Variants in GNAS observed in about 807,000 individuals in gnomAD.
GNAS encodes GNAS complex locus.
A neutral mutation model predicts 54.5 loss-of-function variants in GNAS; 8 were observed. The observed-to-expected ratio is 0.15, with a 90% CI of 0.09 to 0.26. The LOEUF (loss-of-function observed/expected upper bound fraction) is 0.26, where lower values mean the gene tolerates loss of function less well. Among genes scored for constraint, GNAS ranks in the 10% least tolerant of loss-of-function variants. The pLI, the probability that GNAS is intolerant of heterozygous loss-of-function variation, is 1.00. For synonymous variants in GNAS, 204 were observed against 191.4 expected, an observed-to-expected ratio of 1.07 and a Z score of -0.54; for missense variants, 170 against 529.8, an observed-to-expected ratio of 0.32 and a Z score of 6.67.
chr20:58,874,616 CATCTTAGCTTCTGGCCTGCCTTCT>C (rs796731679), intron 1 of GNAS, among the ~76,000 whole-genome samples: 45 of 149,828 alleles, frequency 3.0e-4, no homozygotes, highest in African/African-American at 9.5e-4. Context: ...GCCTGCCCTC[CATCTTAGCTTCTGGCCTGCCTTCT>C]ATCTTAGCTC....
At position 58,856,870 on chromosome 20, in the gene GNAS, C is replaced by T. The variant is rs1326361310; in HGVS notation, c.43+15984C>T. On this transcript the variant is annotated intron_variant, in intron 1 of 12. Coordinates refer to the GNAS transcript ENST00000306090. The surrounding 1 kb of genome is among the most constrained non-coding windows in gnomAD (Gnocchi z 4.2). Reference sequence around the variant, plus strand: ...CAGGATCCCCCTCCTCACCCCACAGCAAGACCCTCTCCTGTATCTCCCAGT... The same window carrying T: ...CAGGATCCCCCTCCTCACCCCACAGTAAGACCCTCTCCTGTATCTCCCAGT... 2 of 151,848 alleles carry T rather than the reference C, an allele frequency of 1.3e-5. No individual in the cohort carries two copies. The highest frequency in any genetic ancestry group is 2.9e-5 in the Non-Finnish European group (2 of 67,994). 9.4% of individuals were successfully genotyped at this position (151,848 alleles called of 1,614,324 possible). A position where few individuals can be genotyped will look rare whatever the true frequency, so the allele number is the denominator to read the frequency against.
chr20:58,902,056 A>G (rs2090659645), intron 3 of GNAS, among the ~76,000 whole-genome samples: 1 of 152,010 alleles, frequency 6.6e-6, no homozygotes, highest in Non-Finnish European at 1.5e-5. Context: ...AAAAATATAT[A>G]TATACAAACC....
chr20:58,897,961 C>A (rs964708975), intron 2 of GNAS: 5 of 152,202 alleles, frequency 3.3e-5, no homozygotes, highest in African/African-American at 4.8e-5. Flanking sequence ...TGTTAGGGCT[C>A]GGCTGAGCTA....
In GNAS at chr20:58,891,881, G is replaced by C; in HGVS notation, c.139+16G>C. 8.6e-7 allele frequency: 1 copy of C among 1,158,666 alleles called. No individual in the cohort carries two copies. The highest frequency in any genetic ancestry group is 1.1e-6 in the Non-Finnish European group (1 of 908,920). 71.8% of individuals were successfully genotyped at this position (1,158,666 alleles called of 1,614,324 possible). A position where few individuals can be genotyped will look rare whatever the true frequency, so the allele number is the denominator to read the frequency against. On this transcript the variant is annotated intron_variant, in intron 1 of 12. Coordinates refer to ENST00000371085, the MANE Select transcript of GNAS (RefSeq NM_000516.7). ...CTGCTGCTGGGTAAGGGCGGGCGGG[G>C]GGCGCCGGCCCCGGCCCGGGGGCCC...
chr20:58,908,194 CA>C (rs376700339), intron 6 of GNAS, among the ~76,000 whole-genome samples: 2,565 of 152,296 alleles, frequency 0.017, 41 homozygotes, highest in Middle Eastern at 0.031. Context: ...CGCTTTAAAA[CA>C]ATTCCAATCT....
At chr20:58,885,650 T>G (rs1179455556) in intron 1 of GNAS, among the ~76,000 whole-genome samples, 1 of 152,234 alleles carries the variant, frequency 6.6e-6, no homozygotes, top group Non-Finnish European at 1.5e-5. Context: ...AATCACTACA[T>G]TCGATTTCTA....
intron 1 of GNAS, among the ~76,000 whole-genome samples, chr20:58,843,168 C>T (rs1306455990): frequency 3.9e-5 from 6 of 151,920 alleles, no homozygotes; most frequent in African/African-American, 9.7e-5. Flanking sequence ...TACCTACCGG[C>T]ACACACTCTC....
chr20:58,850,474 C>A (rs774600843), intron 1 of GNAS: 1 of 398,096 alleles, frequency 2.5e-6, no homozygotes, highest in African/African-American at 2.1e-5. Context: ...AGCAAACAAC[C>A]CCTTTGGAGC....
At chr20:58,868,624 C>T (rs2087218496) in intron 1 of GNAS, among the ~76,000 whole-genome samples, 1 of 152,314 alleles carries the variant, frequency 6.6e-6, no homozygotes, top group Admixed American at 6.5e-5. Flanking sequence ...GCTCATCTCT[C>T]ATTTTCTCAG....
At chr20:58,877,510 C>T (rs974191158) in intron 1 of GNAS, among the ~76,000 whole-genome samples, 2 of 152,140 alleles carry the variant, frequency 1.3e-5, no homozygotes, top group African/African-American at 4.8e-5. Flanking sequence ...GGTCACATAC[C>T]TTATTGTTGA....
At chr20:58,854,203 G>A in intron 1 of GNAS, 1 of 1,613,140 alleles carries the variant, frequency 6.2e-7, no homozygotes, top group Non-Finnish European at 8.5e-7. Flanking sequence ...GAGATTGGCA[G>A]CGCCCCCGCT....
At position 58,910,589 on chromosome 20, in the gene GNAS, T is replaced by C; in HGVS notation, c.1039-94T>C. On this transcript the variant is annotated intron_variant, in intron 12 of 12. Transcript: ENST00000371085. The surrounding 1 kb of genome is among the most constrained non-coding windows in gnomAD (Gnocchi z 5.8). Reference sequence around the variant, plus strand: ...TTTGTTTTCATATGACATCAGAGGCTGGCTGACAGCCGTCCCTGGTAGGTG... The same window carrying C: ...TTTGTTTTCATATGACATCAGAGGCCGGCTGACAGCCGTCCCTGGTAGGTG... The C allele has an allele frequency of 6.8e-7, 1 of 1,465,892 alleles. No homozygotes were observed. Among genetic ancestry groups the C allele is most frequent in the South Asian group, 1.1e-5 (1 of 87,210 alleles). 90.8% of individuals were successfully genotyped at this position (1,465,892 alleles called of 1,614,324 possible).
upstream of GNAS, chr20:58,888,948 G>A (rs1255973271): frequency 1.6e-5 from 6 of 366,948 alleles, no homozygotes; most frequent in Non-Finnish European, 2.3e-5. Context: ...CCTTGGGCGC[G>A]CCCGCGCCCC....
At chr20:58,842,441 G>A (rs940438789) in intron 1 of GNAS, 6 of 398,494 alleles carry the variant, frequency 1.5e-5, no homozygotes, top group Admixed American at 1.3e-4. Context: ...ACCTTAAATG[G>A]TCTTCCTTCC....
intron 1 of GNAS, among the ~76,000 whole-genome samples, chr20:58,867,857 AG>A (rs1468800606): frequency 2.0e-5 from 3 of 152,122 alleles, no homozygotes; most frequent in African/African-American, 7.2e-5. Context: ...GAGAAAGTCA[AG>A]ACACAAGATG....
At chr20:58,862,362 T>C (rs768909344) in intron 1 of GNAS, among the ~76,000 whole-genome samples, 3 of 151,988 alleles carry the variant, frequency 2.0e-5, no homozygotes, top group African/African-American at 7.3e-5. Flanking sequence ...TTTCACCATG[T>C]TGGCCAGGCT....
intron 1 of GNAS, among the ~76,000 whole-genome samples, chr20:58,864,468 T>C (rs937854961): frequency 2.0e-5 from 3 of 152,150 alleles, no homozygotes; most frequent in African/African-American, 7.2e-5. Flanking sequence ...ATCATTGACG[T>C]CATTCAGGGG....
At chr20:58,859,531 A>G (rs763731789) in intron 1 of GNAS, among the ~76,000 whole-genome samples, 1 of 151,792 alleles carries the variant, frequency 6.6e-6, no homozygotes, top group Admixed American at 6.6e-5. Flanking sequence ...TCATCTAGTC[A>G]TATTTGTCTC....
In GNAS at chr20:58,854,907, G is replaced by A. The variant is rs760016801; in HGVS notation, c.43+14021G>A. On this transcript the variant is annotated intron_variant, in intron 1 of 12. Coordinates refer to the GNAS transcript ENST00000306090. The stretch of plus-strand genomic sequence containing the variant: ...TCCGCCTACTCCGCGGCCTACTCGC[G>A]CGTCTGCCTGGCGGGGCAAGTCCGA... The A allele has an allele frequency of 5.0e-6, 8 of 1,596,044 alleles. No individual in the cohort carries two copies. The highest frequency in any genetic ancestry group is 1.1e-5 in the South Asian group (1 of 89,104).
Sources: gnomAD v4.1 joint callset for allele counts (sites outside exome capture counted in the v4.1 genomes callset) on GRCh38, gnomAD v4.1.1 for gene constraint, Gnocchi (gnomAD v3.1) non-coding constraint, MANE v1.5 for transcripts, NCBI Gene and HGNC (gene_info 2026-07-23, HGNC 2026-07-21) for gene names.